Variants in ING5 observed in about 807,000 individuals in gnomAD.
ING5 encodes the protein inhibitor of growth protein 5.
Under a neutral mutation model 37.4 loss-of-function variants are expected in ING5, and 17 were observed. The ratio of observed to expected loss-of-function variants is 0.45; its 90% CI spans 0.31 to 0.68. The LOEUF is 0.68. ING5 is among the 30% of genes least tolerant of loss of function. The pLI is 0.05. For missense variants in ING5, 233 were observed against 311.9 expected (o/e 0.75, Z 1.91); for synonymous variants, 123 against 116.6 (o/e 1.06, Z -0.36).
intron 5 of ING5, chr2:241,720,749 C>G (rs1575139684): frequency 1.0e-6 from 1 of 985,436 alleles, no homozygotes; most frequent in African/African-American, 1.7e-5. Context: ...GGCAGTGGTG[C>G]TGAAGGGAGT....
chr2:241,721,250 G>A lies in ING5; in HGVS notation c.483-1689G>A, dbSNP rs141168391. 528 of 985,490 alleles carry A rather than the reference G, an allele frequency of 5.4e-4. 12 individuals carry two copies. In the East Asian group the frequency reaches 0.043, roughly 80 times the overall value. 61.0% of individuals were successfully genotyped at this position (985,490 alleles called of 1,614,324 possible). A position where few individuals can be genotyped will look rare whatever the true frequency, so the allele number is the denominator to read the frequency against. ...AGGAGGCTGAGACGTAGACCCTTGC[G>A]TGCTGCTGTCAGAGGAGAGACCCGA... On this transcript the variant is annotated intron_variant, in intron 5 of 7. Coordinates refer to ENST00000313552, the MANE Select transcript of ING5 (RefSeq NM_032329.6).
At chr2:241,697,598 G>T (rs1169450795), upstream of ING5, among the ~76,000 whole-genome samples, 2 of 152,244 alleles carry the variant, frequency 1.3e-5, no homozygotes, top group East Asian at 3.9e-4. Flanking sequence ...GGCTCATACT[G>T]TATGATTCCA....
chr2:241,721,506 G>T, intron 5 of ING5: 1 of 985,502 alleles, frequency 1.0e-6, no homozygotes, highest in Non-Finnish European at 1.2e-6. Flanking sequence ...ATGTGTACAG[G>T]CAATTGCAAA....
chr2:241,725,278 G>T lies in ING5; in HGVS notation c.*247G>T. The T allele has an allele frequency of 1.1e-5, 6 of 523,410 alleles. No individual in the cohort carries two copies. Among genetic ancestry groups the T allele is most frequent in the Non-Finnish European group, 2.1e-5 (6 of 289,068 alleles). 32.4% of individuals were successfully genotyped at this position (523,410 alleles called of 1,614,324 possible). ...CAGGACTCCCCCCGAGCATCAGCAG[G>T]GACCCCGGCGGACGTGGGCGGGCGC... On this transcript the variant is annotated 3_prime_UTR_variant, in exon 8 of 8. Coordinates refer to ENST00000313552, the MANE Select transcript of ING5 (RefSeq NM_032329.6).
chr2:241,697,929 A>G (rs2069653970), upstream of ING5, among the ~76,000 whole-genome samples: 1 of 152,056 alleles, frequency 6.6e-6, no homozygotes. Flanking sequence ...CTTAAAATAC[A>G]AAACTTAGCC....
At chr2:241,713,122 T>C (rs1191101633) in intron 5 of ING5, among the ~76,000 whole-genome samples, 2 of 150,752 alleles carry the variant, frequency 1.3e-5, no homozygotes, top group Non-Finnish European at 3.0e-5. Context: ...AATGGCGCCA[T>C]CTCGGCTCAC....
intron 5 of ING5, among the ~76,000 whole-genome samples, chr2:241,716,281 C>CCT (rs2070265257): frequency 4.1e-5 from 3 of 73,662 alleles, no homozygotes; most frequent in African/African-American, 1.9e-4. Flanking sequence ...ATTAGCCATG[C>CCT]TTTTTTTTTT....
rs1459749684 is a variant in ING5 at position 241,725,690 on chromosome 2, G to A, written c.*659G>A. ...CTCCGGAGTAAACGGCTCTTCATTA[G>A]CTTGGAGTGGCCGCAGGTCCCGTGA... On this transcript the variant is annotated 3_prime_UTR_variant, in exon 8 of 8. Transcript: ENST00000313552. 3.9e-5 allele frequency: 6 copies of A among 152,648 alleles called. No individual in the cohort carries two copies. The highest frequency in any genetic ancestry group is 5.9e-5 in the Non-Finnish European group (4 of 68,046). 9.5% of individuals were successfully genotyped at this position (152,648 alleles called of 1,614,324 possible).
At chr2:241,721,120 T>C (rs898500280) in intron 5 of ING5, 1 of 985,522 alleles carries the variant, frequency 1.0e-6, no homozygotes, top group Non-Finnish European at 1.2e-6. Flanking sequence ...TCGGGGACGG[T>C]TGGCAGCAGA....
chr2:241,713,863 G>A (rs941867059), intron 5 of ING5, among the ~76,000 whole-genome samples: 1 of 152,006 alleles, frequency 6.6e-6, no homozygotes, highest in East Asian at 1.9e-4. Flanking sequence ...GTTGGCAGCT[G>A]CCTGTAATCC....
intron 1 of ING5, among the ~76,000 whole-genome samples, chr2:241,702,455 C>T (rs2069771828): frequency 6.6e-6 from 1 of 152,028 alleles, no homozygotes; most frequent in Non-Finnish European, 1.5e-5. Context: ...CGGCCCCGGC[C>T]CCGCCAGGTC....
Position 241,725,104 on chromosome 2 carries a change from T to G in ING5, c.*73T>G. 6.7e-7 allele frequency: 1 copy of G among 1,482,440 alleles called. No homozygotes were observed. The highest frequency in any genetic ancestry group is 1.7e-4 in the Middle Eastern group (1 of 5,836). The allele number at this position is 1,482,440 out of a possible 1,614,324, so 91.8% of individuals were successfully genotyped here. A position where few individuals can be genotyped will look rare whatever the true frequency, so the allele number is the denominator to read the frequency against. On this transcript the variant is annotated 3_prime_UTR_variant, in exon 8 of 8. Coordinates refer to ENST00000313552, the MANE Select transcript of ING5 (RefSeq NM_032329.6). ...ATTCGTGTCGCAATATTTCCCTTCC[T>G]TTTAAAACTACCTTGTTCGGTTGAT...
chr2:241,704,343 G>A (rs1448614406), intron 1 of ING5, among the ~76,000 whole-genome samples: 4 of 152,106 alleles, frequency 2.6e-5, no homozygotes, highest in Non-Finnish European at 4.4e-5. Flanking sequence ...CGAGGTGGGC[G>A]GATCACCTGA....
At chr2:241,703,150 G>T (rs1306288409) in intron 1 of ING5, among the ~76,000 whole-genome samples, 2 of 152,344 alleles carry the variant, frequency 1.3e-5, no homozygotes, top group East Asian at 3.9e-4. Flanking sequence ...TCTCTATCCT[G>T]GTGCCCAGCC....
chr2:241,696,707 C>G (rs2069635047), intron 2 of ING5, among the ~76,000 whole-genome samples: 1 of 151,996 alleles, frequency 6.6e-6, no homozygotes, highest in Non-Finnish European at 1.5e-5. Flanking sequence ...TCCTTTGAAC[C>G]CAGGAGGTCG....
At chr2:241,700,251 G>C (rs2069694836), upstream of ING5, among the ~76,000 whole-genome samples, 2 of 147,802 alleles carry the variant, frequency 1.4e-5, no homozygotes, top group African/African-American at 5.0e-5. Flanking sequence ...CAGCCTCCCG[G>C]GTTCACGCCA....
intron 5 of ING5, chr2:241,721,269 G>C: frequency 2.0e-6 from 2 of 985,496 alleles, no homozygotes; most frequent in South Asian, 9.4e-5. Context: ...TCAGAGGAGA[G>C]ACCCGAAGAC....
At position 241,720,291 on chromosome 2, in the gene ING5, G is replaced by T. The variant is rs561001470; in HGVS notation, c.483-2648G>T. 671 of 1,226,928 alleles carry T rather than the reference G, an allele frequency of 5.5e-4. 1 individual carries two copies. The highest frequency in any genetic ancestry group is 6.3e-4 in the Non-Finnish European group (621 of 985,338). The allele number at this position is 1,226,928 out of a possible 1,614,324, so 76.0% of individuals were successfully genotyped here. A position where few individuals can be genotyped will look rare whatever the true frequency, so the allele number is the denominator to read the frequency against. ...AGCACAGTGGGTATTCACGCCCCTC[G>T]TGGTCACGCTGTGGTGCCAGGCCGC... On this transcript the variant is annotated intron_variant, in intron 5 of 7. Coordinates refer to ENST00000313552, the MANE Select transcript of ING5 (RefSeq NM_032329.6).
chr2:241,706,527 G>C (rs753698374), intron 2 of ING5, among the ~76,000 whole-genome samples: 5 of 151,492 alleles, frequency 3.3e-5, no homozygotes, highest in African/African-American at 1.2e-4. Flanking sequence ...TAATTGGGAG[G>C]CTGAGGCAGG....
Sources: gnomAD v4.1 joint callset for allele counts (sites outside exome capture counted in the v4.1 genomes callset) on GRCh38, gnomAD v4.1.1 for gene constraint, MANE v1.5 for transcripts, NCBI Gene and HGNC (gene_info 2026-07-23, HGNC 2026-07-21) for gene names.